SKP1: variants seen among roughly 807,000 people sequenced by gnomAD.
The protein encoded by SKP1 is S-phase kinase associated protein 1, also known as S-phase kinase-associated protein 1.
Under a neutral mutation model 21.5 loss-of-function variants are expected in SKP1, and 1 was observed. The ratio of observed to expected loss-of-function variants is 0.05; its 90% CI spans 0.02 to 0.22. The LOEUF (loss-of-function observed/expected upper bound fraction) is 0.22, where lower values mean the gene tolerates loss of function less well. Ranked by LOEUF, SKP1 falls within the 10% of genes least tolerant of loss-of-function variation. The pLI is 1.00. For missense variants in SKP1, 70 were observed against 192.0 expected (o/e 0.36, Z 3.76); for synonymous variants, 59 against 59.3 (o/e 0.99, Z 0.03).
At position 134,151,580 on chromosome 5, in the gene SKP1, G is replaced by A. The variant is rs1761043526; in HGVS notation, c.*6153C>T. On this transcript the variant is annotated 3_prime_UTR_variant, in exon 6 of 6. Coordinates refer to ENST00000353411, the MANE Select transcript of SKP1 (RefSeq NM_170679.3). ...TAAGCTGATCCTCAGTGTGCAATAA[G>A]AGGCTGCTATATAGCAGGTTGAAAA... The A allele has an allele frequency of 2.3e-6, 1 of 432,068 alleles. No individual in the cohort carries two copies. The highest frequency in any genetic ancestry group is 4.7e-6 in the Non-Finnish European group (1 of 212,642). The allele number at this position is 432,068 out of a possible 1,614,324, so 26.8% of individuals were successfully genotyped here. A position where few individuals can be genotyped will look rare whatever the true frequency, so the allele number is the denominator to read the frequency against.
At position 134,154,409 on chromosome 5, in the gene SKP1, CT is replaced by C. The variant is rs1170698922; in HGVS notation, c.*3323del. ...GTTGCAGTGAGCTGAGATCGCACCA[CT>C]GCATTCCAGTCTGGGCGACAGAGTG... On this transcript the variant is annotated 3_prime_UTR_variant, in exon 6 of 6. Coordinates refer to ENST00000353411, the MANE Select transcript of SKP1 (RefSeq NM_170679.3). The C allele has an allele frequency of 7.6e-6, 1 of 131,512 alleles. No homozygotes were observed. Among genetic ancestry groups the C allele is most frequent in the Non-Finnish European group, 1.5e-5 (1 of 65,696 alleles). The allele number at this position is 131,512 out of a possible 1,614,324, so 8.1% of individuals were successfully genotyped here. A position where few individuals can be genotyped will look rare whatever the true frequency, so the allele number is the denominator to read the frequency against.
rs1761028573 is a variant in SKP1 at position 134,150,535 on chromosome 5, C to G, written c.*7198G>C. 6.6e-6 allele frequency: 1 copy of G among 152,192 alleles called. No individual in the cohort carries two copies. Among genetic ancestry groups the G allele is most frequent in the Non-Finnish European group, 1.5e-5 (1 of 68,048 alleles). The allele number at this position is 152,192 out of a possible 1,614,324, so 9.4% of individuals were successfully genotyped here. A position where few individuals can be genotyped will look rare whatever the true frequency, so the allele number is the denominator to read the frequency against. On this transcript the variant is annotated 3_prime_UTR_variant, in exon 6 of 6. Transcript: ENST00000353411. ...CTATATGTCAAAGTAGAATTTAAGA[C>G]CCAAATCTAGTTAATTGTATAAAAA... is the stretch of plus-strand genomic sequence containing the variant.
rs1371234499 is a variant in SKP1, at chr5:134,151,688, C to T, written c.*6045G>A. The stretch of plus-strand genomic sequence containing the variant: ...AAAGTTGACAGATATCAGAAGGTCG[C>T]AAGAACTACAGATGTGGAAGCAGAC... On this transcript the variant is annotated 3_prime_UTR_variant, in exon 6 of 6. Coordinates refer to ENST00000353411, the MANE Select transcript of SKP1 (RefSeq NM_170679.3). The T allele has an allele frequency of 2.2e-6, 1 of 455,994 alleles. No individual in the cohort carries two copies. Among genetic ancestry groups the T allele is most frequent in the East Asian group, 6.9e-5 (1 of 14,406 alleles). 28.2% of individuals were successfully genotyped at this position (455,994 alleles called of 1,614,324 possible).
At chr5:134,168,474 TA>T (rs1290781562) in intron 2 of SKP1, among the ~76,000 whole-genome samples, 9 of 152,168 alleles carry the variant, frequency 5.9e-5, no homozygotes, top group Non-Finnish European at 1.3e-4. Context: ...TAAAGTAGGT[TA>T]AAAAAGAAAA....
At position 134,155,701 on chromosome 5, in the gene SKP1, TAGA is replaced by T. The variant is rs558707179; in HGVS notation, c.*2029_*2031del. ...GTGGTAATAACAAGCTCCAGTTTCT[TAGA>T]AGGTGATACTTCCTTTACAAGTTAA... On this transcript the variant is annotated 3_prime_UTR_variant, in exon 6 of 6. Coordinates refer to ENST00000353411, the MANE Select transcript of SKP1 (RefSeq NM_170679.3). 1.3e-5 allele frequency: 2 copies of T among 152,238 alleles called. No homozygotes were observed. The highest frequency in any genetic ancestry group is 2.9e-5 in the Non-Finnish European group (2 of 68,040). 9.4% of individuals were successfully genotyped at this position (152,238 alleles called of 1,614,324 possible).
At chr5:134,165,433 TAAA>T (rs1233169515) in intron 3 of SKP1, among the ~76,000 whole-genome samples, 1 of 137,168 alleles carries the variant, frequency 7.3e-6, no homozygotes, top group African/African-American at 2.8e-5. Flanking sequence ...TCTACAAAAA[TAAA>T]AAAATTAGCT....
At chr5:134,168,782 T>G (rs1014501883) in intron 2 of SKP1, among the ~76,000 whole-genome samples, 2 of 151,742 alleles carry the variant, frequency 1.3e-5, no homozygotes, top group Admixed American at 1.3e-4. Flanking sequence ...AAGGATGAAG[T>G]TGCCACCAAT....
In SKP1 at chr5:134,153,761, T is replaced by C. The variant is rs1471762260; in HGVS notation, c.*3972A>G. 6.6e-6 allele frequency: 1 copy of C among 152,192 alleles called. No homozygotes were observed. Among genetic ancestry groups the C allele is most frequent in the Non-Finnish European group, 1.5e-5 (1 of 68,026 alleles). The allele number at this position is 152,192 out of a possible 1,614,324, so 9.4% of individuals were successfully genotyped here. On this transcript the variant is annotated 3_prime_UTR_variant, in exon 6 of 6. Coordinates refer to ENST00000353411, the MANE Select transcript of SKP1 (RefSeq NM_170679.3). The stretch of plus-strand genomic sequence containing the variant: ...GGGATCAGAACACAGCCCATAGGAT[T>C]GGTCAATTTTTACGTAAACTGAAAA...
At chr5:134,171,643 C>A (rs1026508347) in intron 2 of SKP1, among the ~76,000 whole-genome samples, 3 of 152,220 alleles carry the variant, frequency 2.0e-5, no homozygotes, top group Admixed American at 1.3e-4. Context: ...TACAGTATCA[C>A]AATTCCATCC....
chr5:134,158,837 A>G (rs985308177), intron 4 of SKP1, among the ~76,000 whole-genome samples: 1 of 152,236 alleles, frequency 6.6e-6, no homozygotes, highest in Non-Finnish European at 1.5e-5. Context: ...CAAATGTGAA[A>G]TAACGGCCAC....
intron 2 of SKP1, 72 bp from the exon 3 acceptor site, chr5:134,167,315 A>C: frequency 1.0e-6 from 1 of 963,142 alleles, no homozygotes; most frequent in Non-Finnish European, 1.7e-6. Flanking sequence ...GCTATGTCTC[A>C]AAACATAAGA....
At chr5:134,166,433 T>G (rs1761332292) in intron 3 of SKP1, among the ~76,000 whole-genome samples, 1 of 151,132 alleles carries the variant, frequency 6.6e-6, no homozygotes, top group Non-Finnish European at 1.5e-5. Flanking sequence ...ATACAAAAAT[T>G]AGCTGGGCAT....
intron 2 of SKP1, among the ~76,000 whole-genome samples, chr5:134,169,382 G>C (rs901940465): frequency 6.6e-5 from 10 of 152,186 alleles, no homozygotes; most frequent in Admixed American, 3.3e-4. Flanking sequence ...CTCATGTAAA[G>C]CTCTATGTAG....
chr5:134,175,650 C>T (rs1761526088), intron 1 of SKP1: 1 of 152,156 alleles, frequency 6.6e-6, no homozygotes, highest in South Asian at 2.1e-4. Flanking sequence ...TAGTCATAGT[C>T]AAGTTTGTGG....
intron 5 of SKP1, 68 bp from the exon 6 acceptor site, chr5:134,157,836 CTACT>C: frequency 1.2e-6 from 2 of 1,612,170 alleles, no homozygotes; most frequent in Admixed American, 1.7e-5. Context: ...TAAATACTAC[CTACT>C]GATTCATCGA....
intron 1 of SKP1, chr5:134,175,405 G>A (rs1341269795): frequency 1.3e-5 from 2 of 152,234 alleles, no homozygotes; most frequent in African/African-American, 4.8e-5. Flanking sequence ...GGAGAAGGAT[G>A]CAGAGTAGAG....
At chr5:134,165,568 C>T (rs1175559525) in intron 3 of SKP1, among the ~76,000 whole-genome samples, 2 of 127,490 alleles carry the variant, frequency 1.6e-5, no homozygotes, top group Admixed American at 9.3e-5. Context: ...CCAGCCTGGG[C>T]GACAGAGTGT....
Position 134,155,038 on chromosome 5 carries a change from T to G in SKP1, c.*2695A>C, listed in dbSNP as rs183957902. On this transcript the variant is annotated 3_prime_UTR_variant, in exon 6 of 6. Transcript: ENST00000353411. ...GTGCTGCTAAATACAAGTTAAATCC[T>G]GCTGTCAAGTGACTTCCAATGAAGT... 6.6e-6 allele frequency: 1 copy of G among 152,344 alleles called. No individual in the cohort carries two copies. The highest frequency in any genetic ancestry group is 6.5e-5 in the Admixed American group (1 of 15,302). The allele number at this position is 152,344 out of a possible 1,614,324, so 9.4% of individuals were successfully genotyped here.
intron 1 of SKP1, chr5:134,175,506 CATGTA>C (rs1398650457): frequency 6.6e-6 from 1 of 152,148 alleles, no homozygotes; most frequent in Non-Finnish European, 1.5e-5. Context: ...AACATTTAAA[CATGTA>C]ATTTTTATAT....
Sources: gnomAD v4.1 joint callset for allele counts (sites outside exome capture counted in the v4.1 genomes callset) on GRCh38, gnomAD v4.1.1 for gene constraint, MANE v1.5 for transcripts, NCBI Gene and HGNC (gene_info 2026-07-23, HGNC 2026-07-21) for gene names.